SCAF8: variants seen among roughly 807,000 people sequenced by gnomAD.
SCAF8 encodes the protein SR-related and CTD-associated factor 8.
A neutral mutation model predicts 140.5 loss-of-function variants in SCAF8; 23 were observed. The ratio of observed to expected loss-of-function variants is 0.16; its 90% confidence interval spans 0.12 to 0.23. The LOEUF is 0.23. Ranked by LOEUF, SCAF8 falls within the 10% of genes least tolerant of loss-of-function variation. The pLI is 1.00. For synonymous variants in SCAF8, 575 were observed against 528.9 expected (o/e 1.09, Z -1.20); for missense variants, 1,397 against 1,555.7 (o/e 0.90, Z 1.72).
chr6:154,814,694 C>G (rs138017241), intron 12 of SCAF8, among the ~76,000 whole-genome samples: 1 of 152,322 alleles, frequency 6.6e-6, no homozygotes, highest in African/African-American at 2.4e-5. Flanking sequence ...TATGAAAATT[C>G]TGCAAAGGTG....
rs376379760 is a variant in SCAF8 at position 154,824,401 on chromosome 6, T to C, written c.2071+23T>C. ...CTGGTAAGGAATTTTTGTTTTAATA[T>C]TTGAACTCTATTTAGATTATCATTT... On this transcript the variant is annotated intron_variant, in intron 17 of 19. Coordinates refer to ENST00000367178, the MANE Select transcript of SCAF8 (RefSeq NM_014892.5). The C allele has an allele frequency of 2.5e-6, 4 of 1,591,570 alleles. No homozygotes were observed. In the African/African-American group the frequency reaches 4.0e-5, roughly 16 times the overall value.
chr6:154,774,151 G>A (rs1562439102), intron 2 of SCAF8, 79 bp downstream of exon 2: 3 of 942,854 alleles, frequency 3.2e-6, no homozygotes, highest in East Asian at 2.4e-5. Context: ...ATTTTTTTAT[G>A]GATTATATGT....
chr6:154,756,609 C>T (rs1228998464), intron 1 of SCAF8, among the ~76,000 whole-genome samples: 3 of 152,160 alleles, frequency 2.0e-5, no homozygotes, highest in Non-Finnish European at 4.4e-5. Flanking sequence ...GATAGTAAAA[C>T]TGTTTGAGTT....
At chr6:154,766,244 TGTG>T (rs1291859702) in intron 1 of SCAF8, among the ~76,000 whole-genome samples, 1 of 151,868 alleles carries the variant, frequency 6.6e-6, no homozygotes, top group Non-Finnish European at 1.5e-5. Context: ...AGGCAAAAGA[TGTG>T]GAGGAGAGGG....
chr6:154,762,172 C>T (rs1489728529), intron 1 of SCAF8, among the ~76,000 whole-genome samples: 1 of 152,178 alleles, frequency 6.6e-6, no homozygotes, highest in African/African-American at 2.4e-5. Context: ...ACAAACTTAG[C>T]TTGTGGCTAA....
intron 9 of SCAF8, among the ~76,000 whole-genome samples, chr6:154,807,425 A>G (rs372381618): frequency 1.8e-4 from 27 of 152,332 alleles, no homozygotes; most frequent in African/African-American, 6.0e-4. Flanking sequence ...TATAAAACCT[A>G]TGAGAGATTT....
intron 1 of SCAF8, among the ~76,000 whole-genome samples, chr6:154,771,834 A>G (rs1295148776): frequency 6.6e-6 from 1 of 152,164 alleles, no homozygotes. Context: ...ATCACAAAAT[A>G]CACCCAGTGA....
chr6:154,735,395 GATA>G (rs1266942558), intron 1 of SCAF8, among the ~76,000 whole-genome samples: 1 of 152,052 alleles, frequency 6.6e-6, no homozygotes, highest in African/African-American at 2.4e-5. Flanking sequence ...CTAAACGGTA[GATA>G]ATATTTGGGC....
chr6:154,733,681 T>C lies in SCAF8; in HGVS notation c.-220T>C, dbSNP rs537203317. ...GCGCCTCTGTTCCCTAGAACGGCGC[T>C]CCCCCCGCCCTAGCGGCCATGCCGG... On this transcript the variant is annotated 5_prime_UTR_variant, in exon 1 of 20. Coordinates refer to ENST00000367178, the MANE Select transcript of SCAF8 (RefSeq NM_014892.5). The C allele has an allele frequency of 4.3e-3, 5,283 of 1,228,932 alleles. 183 individuals carry two copies. In the African/African-American group the frequency reaches 0.08, roughly 19 times the overall value. 76.1% of individuals were successfully genotyped at this position (1,228,932 alleles called of 1,614,324 possible).
chr6:154,781,410 CTGCCCAAAGTAATTTATAGA>C (rs1258591710), intron 3 of SCAF8, among the ~76,000 whole-genome samples: 1 of 152,194 alleles, frequency 6.6e-6, no homozygotes, highest in Non-Finnish European at 1.5e-5. Context: ...CATGGCCATA[CTGCCCAAAGTAATTTATAGA>C]ATAAATGGTA....
intron 9 of SCAF8, 39 bp from the exon 10 acceptor site, chr6:154,808,031 A>T (rs1216119145): frequency 1.3e-6 from 2 of 1,553,590 alleles, no homozygotes; most frequent in South Asian, 2.4e-5. Context: ...AACAAAAAGT[A>T]TCTCCCAATC....
At chr6:154,792,353 A>G (rs1029286971) in intron 4 of SCAF8, among the ~76,000 whole-genome samples, 2 of 152,246 alleles carry the variant, frequency 1.3e-5, no homozygotes, top group African/African-American at 4.8e-5. Context: ...AGTAGATTGT[A>G]AAATGAAAGT....
chr6:154,779,297 A>G (rs946254896), intron 3 of SCAF8, among the ~76,000 whole-genome samples: 24 of 152,206 alleles, frequency 1.6e-4, no homozygotes, highest in African/African-American at 5.8e-4. Context: ...TGGCCTCTCA[A>G]AAGTGCTGGG....
At chr6:154,806,789 T>C (rs769968045) in intron 9 of SCAF8, among the ~76,000 whole-genome samples, 14 of 151,396 alleles carry the variant, frequency 9.2e-5, no homozygotes, top group Non-Finnish European at 1.5e-4. Context: ...AATTCTGATA[T>C]AAGTGGCCAG....
At chr6:154,796,168 C>T (rs571618401) in intron 6 of SCAF8, among the ~76,000 whole-genome samples, 1 of 151,878 alleles carries the variant, frequency 6.6e-6, no homozygotes, top group Non-Finnish European at 1.5e-5. Flanking sequence ...ATAGAAATAC[C>T]TCATTTTTGT....
At position 154,803,407 on chromosome 6, in the gene SCAF8, A is replaced by C. The variant is rs545158245; in HGVS notation, c.784-137A>C. On this transcript the variant is annotated intron_variant, in intron 7 of 19. Coordinates refer to ENST00000367178, the MANE Select transcript of SCAF8 (RefSeq NM_014892.5). ...TCTACTCAAAACACTTTATAATAGT[A>C]TAAAGTGATACAAAATGTTTATTTA... 95 of 688,862 alleles carry C rather than the reference A, an allele frequency of 1.4e-4. No individual in the cohort carries two copies. In the African/African-American group the frequency reaches 1.7e-3, roughly 12 times the overall value. 42.7% of individuals were successfully genotyped at this position (688,862 alleles called of 1,614,324 possible).
intron 9 of SCAF8, among the ~76,000 whole-genome samples, chr6:154,807,179 T>C (rs1170600661): frequency 1.3e-5 from 2 of 152,204 alleles, no homozygotes; most frequent in Admixed American, 6.5e-5. Context: ...CACCATGTTA[T>C]TGAAGTAAAA....
At chr6:154,778,114 C>T (rs1776968665) in intron 3 of SCAF8, 69 bp downstream of exon 3, 1 of 818,690 alleles carries the variant, frequency 1.2e-6, no homozygotes, top group Non-Finnish European at 2.0e-6. Flanking sequence ...TCCTTTAGAT[C>T]AAATACCCAA....
intron 1 of SCAF8, among the ~76,000 whole-genome samples, chr6:154,753,057 G>A (rs1317600845): frequency 1.3e-5 from 2 of 151,942 alleles, no homozygotes; most frequent in Non-Finnish European, 2.9e-5. Context: ...GGCCGGGCAT[G>A]GTGGCTCACT....
Sources: allele counts gnomAD v4.1 joint callset (sites outside exome capture counted in the v4.1 genomes callset), GRCh38; gene constraint gnomAD v4.1.1; transcripts MANE v1.5; gene names NCBI Gene and HGNC (gene_info 2026-07-23, HGNC 2026-07-21).